ATAD2: variants seen among roughly 807,000 people sequenced by gnomAD.
ATAD2 encodes the protein ATPase family AAA domain-containing protein 2.
Under a neutral mutation model 168.9 loss-of-function variants are expected in ATAD2, and 62 were observed. The observed-to-expected ratio is 0.37, with a 90% CI of 0.30 to 0.45. ATAD2 has a LOEUF of 0.45. Ranked by LOEUF, ATAD2 falls within the 20% of genes least tolerant of loss-of-function variation. The probability of loss-of-function intolerance (pLI) is 1.00; values close to 1 mark genes in which losing one functional copy is unlikely to be tolerated. For synonymous variants in ATAD2, 613 were observed against 571.6 expected, an observed-to-expected ratio of 1.07 and a Z score of -1.03; for missense variants, 1,419 against 1,667.8, an observed-to-expected ratio of 0.85 and a Z score of 2.60.
At chr8:123,329,981 C>CTTCTTTTTTTTTTTTTTTTTTTTT (rs1827731295) in intron 24 of ATAD2, among the ~76,000 whole-genome samples, 1 of 100,342 alleles carries the variant, frequency 1.0e-5, no homozygotes, top group African/African-American at 3.6e-5. Flanking sequence ...CCAGTGGCTT[C>CTTCTTTTTTTTTTTTTTTTTTTTT]TTTTTTTTTT....
At chr8:123,342,945 C>T (rs903241427) in intron 19 of ATAD2, among the ~76,000 whole-genome samples, 2 of 152,042 alleles carry the variant, frequency 1.3e-5, no homozygotes, top group Non-Finnish European at 2.9e-5. Flanking sequence ...GGTTCACTAC[C>T]TTACGTTTTC....
At chr8:123,401,592 T>G (rs1813003704) in intron 1 of ATAD2, 6 of 1,312,532 alleles carry the variant, frequency 4.6e-6, no homozygotes, top group Non-Finnish European at 6.5e-6. Context: ...GGCATGTGGT[T>G]GCCCCCAGGG....
chr8:123,356,302 T>A (rs879019710), intron 13 of ATAD2, 87 bp downstream of exon 13: 2 of 1,113,450 alleles, frequency 1.8e-6, no homozygotes, highest in South Asian at 3.2e-5. Context: ...ATAAAGTTTC[T>A]TTCACCATTT....
In ATAD2 at chr8:123,380,454, CT is replaced by C; in HGVS notation, c.320+74del. ...ACCTTGATGACCAGTCAAAAATACA[CT>C]TCAAAAATTAAAGCAAATCCTAAAT... is the stretch of plus-strand genomic sequence containing the variant. On this transcript the variant is annotated intron_variant, in intron 2 of 27. Transcript: ENST00000287394. 3 of 1,500,174 alleles carry C rather than the reference CT, an allele frequency of 2.0e-6. 1 individual carries two copies. In the South Asian group the frequency reaches 3.5e-5, roughly 17 times the overall value. The allele number at this position is 1,500,174 out of a possible 1,614,324, so 92.9% of individuals were successfully genotyped here.
In ATAD2 at chr8:123,369,819, A is replaced by T. The variant is rs1829086246; in HGVS notation, c.931+2T>A. 1.9e-6 allele frequency: 3 copies of T among 1,602,600 alleles called. No individual in the cohort carries two copies. In the African/African-American group the frequency reaches 4.0e-5, roughly 21 times the overall value. Reference sequence around the variant, plus strand: ...CCTGGAAAGAGTATGTATAGCACTTACTTTCCAATGGAGCCTGATAGTAAA... The same window carrying T: ...CCTGGAAAGAGTATGTATAGCACTTTCTTTCCAATGGAGCCTGATAGTAAA... On this transcript the variant is annotated splice_donor_variant, in intron 7 of 27. Coordinates refer to ENST00000287394, the MANE Select transcript of ATAD2 (RefSeq NM_014109.4). LOFTEE classifies it high-confidence loss of function.
chr8:123,379,486 C>T (rs1829424554), intron 2 of ATAD2, among the ~76,000 whole-genome samples: 1 of 152,092 alleles, frequency 6.6e-6, no homozygotes, highest in Non-Finnish European at 1.5e-5. Flanking sequence ...CCTACGTCAG[C>T]TAACCTTGTT....
intron 1 of ATAD2, among the ~76,000 whole-genome samples, chr8:123,393,136 G>C (rs1046223480): frequency 1.4e-4 from 21 of 148,478 alleles, no homozygotes; most frequent in African/African-American, 5.0e-4. Context: ...AGTGAGCCGA[G>C]ATTGGGCCAC....
intron 2 of ATAD2, among the ~76,000 whole-genome samples, chr8:123,377,969 C>T (rs10102384): frequency 0.054 from 8,152 of 152,208 alleles, 715 homozygotes; most frequent in African/African-American, 0.19. Context: ...TCCTAAAATG[C>T]TTATTTTTTT....
At chr8:123,396,740 G>C (rs1812863652), upstream of ATAD2, among the ~76,000 whole-genome samples, 1 of 152,158 alleles carries the variant, frequency 6.6e-6, no homozygotes, top group African/African-American at 2.4e-5. Context: ...TTTTGGCGCG[G>C]GACGGCGGCG....
intron 1 of ATAD2, among the ~76,000 whole-genome samples, chr8:123,408,158 G>A (rs1403410567): frequency 6.6e-6 from 1 of 152,166 alleles, no homozygotes; most frequent in Admixed American, 6.5e-5. Context: ...ATTGAATGGA[G>A]GTGGGGAGAC....
chr8:123,343,567 G>C (rs540780381), intron 19 of ATAD2, among the ~76,000 whole-genome samples: 2 of 152,074 alleles, frequency 1.3e-5, no homozygotes, highest in Middle Eastern at 3.4e-3. Flanking sequence ...CTTCCTACTA[G>C]TGTTCTAAAA....
intron 19 of ATAD2, among the ~76,000 whole-genome samples, chr8:123,341,916 A>G (rs1041381261): frequency 5.9e-5 from 9 of 152,062 alleles, no homozygotes; most frequent in Admixed American, 5.9e-4. Context: ...GTGAAACCCC[A>G]TCTCTACTAC....
Position 123,379,803 on chromosome 8 carries a change from C to T in ATAD2, c.320+726G>A, listed in dbSNP as rs181600564. 6.8e-4 allele frequency among the ~76,000 whole-genome samples: 103 copies of T among 151,442 alleles called. No individual in the cohort carries two copies. In the East Asian group the frequency reaches 0.017, roughly 24 times the overall value. The stretch of plus-strand genomic sequence containing the variant: ...CCGGCTGGTCTCAAACTCCTGACCT[C>T]GTGATCTGCCTGCCTCGGTCTCCCA... On this transcript the variant is annotated intron_variant, in intron 2 of 27. Transcript: ENST00000287394.
upstream of ATAD2, chr8:123,401,245 C>G (rs1375888286): frequency 1.1e-6 from 1 of 936,844 alleles, no homozygotes; most frequent in Non-Finnish European, 1.8e-6. Flanking sequence ...CATCATTGCC[C>G]TCACCGACCT....
At chr8:123,359,504 TC>T (rs1273468069) in intron 10 of ATAD2, 72 bp downstream of exon 10, 3 of 1,405,650 alleles carry the variant, frequency 2.1e-6, no homozygotes, top group Non-Finnish European at 3.0e-6. Context: ...AATCATTGGT[TC>T]CTTTTTTTAA....
intron 20 of ATAD2, 76 bp downstream of exon 20, chr8:123,339,235 A>G (rs1466453809): frequency 4.0e-6 from 5 of 1,254,804 alleles, no homozygotes; most frequent in South Asian, 1.6e-5. Context: ...GTTATCAGAT[A>G]CATGTCAATG....
intron 19 of ATAD2, among the ~76,000 whole-genome samples, chr8:123,341,269 T>C (rs991459343): frequency 6.6e-6 from 1 of 152,186 alleles, no homozygotes; most frequent in Non-Finnish European, 1.5e-5. Flanking sequence ...AAAGATCTTT[T>C]GGTATAGAAT....
At chr8:123,412,669 C>A (rs887934914) in intron 1 of ATAD2, among the ~76,000 whole-genome samples, 1 of 151,952 alleles carries the variant, frequency 6.6e-6, no homozygotes, top group Non-Finnish European at 1.5e-5. Context: ...TGACCTCAAG[C>A]GATCCTCCCG....
At chr8:123,375,546 C>T (rs1471532379) in intron 2 of ATAD2, among the ~76,000 whole-genome samples, 1 of 152,218 alleles carries the variant, frequency 6.6e-6, no homozygotes, top group East Asian at 1.9e-4. Context: ...CCTACCTCCA[C>T]ATAAAAATGT....
Sources: allele counts gnomAD v4.1 joint callset (sites outside exome capture counted in the v4.1 genomes callset), GRCh38; gene constraint gnomAD v4.1.1; transcripts MANE v1.5; gene names NCBI Gene and HGNC (gene_info 2026-07-23, HGNC 2026-07-21).